Variants in LYZL4 observed in about 807,000 individuals in gnomAD.
The protein encoded by LYZL4 is lysozyme-like protein 4.
LYZL4 carries 13 observed loss-of-function variants against 17.6 expected under a neutral mutation model. The observed-to-expected ratio is 0.74, with a 90% CI of 0.48 to 1.18. LYZL4 has a LOEUF of 1.18. Among genes scored for constraint, LYZL4 ranks in the 50% most tolerant of loss-of-function variants. The pLI is 0.00. For missense variants in LYZL4, 174 were observed against 188.2 expected, an observed-to-expected ratio of 0.92 and a Z score of 0.44; for synonymous variants, 64 against 67.7, an observed-to-expected ratio of 0.95 and a Z score of 0.27.
At chr3:42,381,373 C>A in the LYZL4 span, among the ~76,000 whole-genome samples, 1 of 152,026 alleles carries the variant, frequency 6.6e-6, no homozygotes, top group Non-Finnish European at 1.5e-5. Flanking sequence ...ATCCCCTGCC[C>A]CCCAGGAATG....
intron 4 of LYZL4, among the ~76,000 whole-genome samples, chr3:42,403,269 T>G (rs1698689983): frequency 6.6e-6 from 1 of 151,976 alleles, no homozygotes; most frequent in Non-Finnish European, 1.5e-5. Flanking sequence ...ATCCACCTTT[T>G]TTTTTTTTGA....
At chr3:42,382,335 C>T in the LYZL4 span, among the ~76,000 whole-genome samples, 6 of 152,110 alleles carry the variant, frequency 3.9e-5, no homozygotes, top group African/African-American at 7.2e-5. Flanking sequence ...TGTGTGTGTG[C>T]GTGTAGTCTT....
At chr3:42,367,369 A>G in the LYZL4 span, among the ~76,000 whole-genome samples, 206 of 152,380 alleles carry the variant, frequency 1.4e-3, no homozygotes, top group African/African-American at 4.6e-3. Context: ...TATTAAGTAC[A>G]GGCAGATGAA....
the LYZL4 span, among the ~76,000 whole-genome samples, chr3:42,377,440 T>C: frequency 3.9e-5 from 6 of 152,320 alleles, no homozygotes; most frequent in South Asian, 1.2e-3. Flanking sequence ...GAGTTTATCC[T>C]ATTCTCTCTT....
At chr3:42,369,215 A>G in the LYZL4 span, among the ~76,000 whole-genome samples, 1 of 150,230 alleles carries the variant, frequency 6.7e-6, no homozygotes, top group Non-Finnish European at 1.5e-5. Context: ...TATCAGTTTA[A>G]CTTCCTACTT....
chr3:42,387,257 A>G, the LYZL4 span, among the ~76,000 whole-genome samples: 1 of 152,218 alleles, frequency 6.6e-6, no homozygotes, highest in Non-Finnish European at 1.5e-5. Context: ...ACCATGCCCG[A>G]GGTCAGGAAG....
intron 1 of LYZL4, among the ~76,000 whole-genome samples, chr3:42,408,070 C>T (rs1698792515): frequency 6.6e-6 from 1 of 152,166 alleles, no homozygotes; most frequent in South Asian, 2.1e-4. Flanking sequence ...ACCATCTAAA[C>T]CCACCACCTC....
At position 42,397,152 on chromosome 3, in the gene LYZL4, C is replaced by G. The variant is rs1371057405; in HGVS notation, c.*113G>C. On this transcript the variant is annotated 3_prime_UTR_variant, in exon 5 of 5. Transcript: ENST00000287748. ...GAAGCAAACTTTTGTCTTTTTCCAT[C>G]TGGAACTCTTAAAGTGGTGAGATCA... The G allele has an allele frequency of 7.9e-6, 6 of 764,212 alleles. No homozygotes were observed. The highest frequency in any genetic ancestry group is 6.2e-5 in the South Asian group (3 of 48,570). The allele number at this position is 764,212 out of a possible 1,614,324, so 47.3% of individuals were successfully genotyped here. A position where few individuals can be genotyped will look rare whatever the true frequency, so the allele number is the denominator to read the frequency against.
chr3:42,372,305 G>A, the LYZL4 span, among the ~76,000 whole-genome samples: 10 of 152,340 alleles, frequency 6.6e-5, no homozygotes, highest in African/African-American at 2.4e-4. Context: ...AGGTGCGAGT[G>A]ATCACTGCAC....
intron 4 of LYZL4, among the ~76,000 whole-genome samples, chr3:42,402,136 T>TAAAAAAAAAA (rs61260579): frequency 8.1e-6 from 1 of 124,096 alleles, no homozygotes; most frequent in Non-Finnish European, 1.7e-5. Flanking sequence ...TTGAGAAGGT[T>TAAAAAAAAAA]AAAAAAAAAA....
At chr3:42,378,470 C>T in the LYZL4 span, among the ~76,000 whole-genome samples, 4 of 152,282 alleles carry the variant, frequency 2.6e-5, no homozygotes, top group East Asian at 1.9e-4. Context: ...AGTCTGTAGA[C>T]GATCTCTAAT....
downstream of LYZL4, among the ~76,000 whole-genome samples, chr3:42,392,408 G>C (rs145388060): frequency 7.9e-4 from 121 of 152,276 alleles, no homozygotes; most frequent in Middle Eastern, 3.4e-3. Context: ...GAGTTAAAGA[G>C]AGAGGAGAAA....
Position 42,397,206 on chromosome 3 carries a change from G to T in LYZL4, c.*59C>A. On this transcript the variant is annotated 3_prime_UTR_variant, in exon 5 of 5. Coordinates refer to ENST00000287748, the MANE Select transcript of LYZL4 (RefSeq NM_144634.4). ...AAAGGATTGACTGAAGCAGCAAGCA[G>T]AAAAGCACCTTCATTCACAAGATGC... 1 of 1,208,176 alleles carries T rather than the reference G, an allele frequency of 8.3e-7. No individual in the cohort carries two copies. The highest frequency in any genetic ancestry group is 1.2e-6 in the Non-Finnish European group (1 of 841,240). 74.8% of individuals were successfully genotyped at this position (1,208,176 alleles called of 1,614,324 possible). A position where few individuals can be genotyped will look rare whatever the true frequency, so the allele number is the denominator to read the frequency against.
At chr3:42,376,648 C>CT in the LYZL4 span, among the ~76,000 whole-genome samples, 1 of 152,208 alleles carries the variant, frequency 6.6e-6, no homozygotes, top group East Asian at 1.9e-4. Flanking sequence ...AGTCAGTTTC[C>CT]TCTGGCGGGG....
the LYZL4 span, among the ~76,000 whole-genome samples, chr3:42,387,466 C>T: frequency 1.4e-4 from 21 of 152,120 alleles, no homozygotes; most frequent in South Asian, 6.2e-4. Flanking sequence ...TCTGTGAAGG[C>T]GAAACACAGA....
the LYZL4 span, among the ~76,000 whole-genome samples, chr3:42,373,369 A>G: frequency 6.6e-6 from 1 of 152,142 alleles, no homozygotes; most frequent in African/African-American, 2.4e-5. Context: ...CCTGGGTGCC[A>G]GCCACATTTG....
At chr3:42,395,102 G>A (rs1698533563), downstream of LYZL4, among the ~76,000 whole-genome samples, 1 of 152,134 alleles carries the variant, frequency 6.6e-6, no homozygotes, top group Non-Finnish European at 1.5e-5. Flanking sequence ...AGAGAGGAGG[G>A]AAAGCCACAC....
chr3:42,373,713 T>C, the LYZL4 span, among the ~76,000 whole-genome samples: 34,879 of 151,988 alleles, frequency 0.23, 8,191 homozygotes, highest in African/African-American at 0.6. Context: ...CATCAGAAAG[T>C]GGCTGAATTC....
the LYZL4 span, among the ~76,000 whole-genome samples, chr3:42,386,408 C>T: frequency 3.7e-5 from 5 of 136,492 alleles, 1 homozygote; most frequent in South Asian, 8.4e-4. Flanking sequence ...CCCCCCCCCC[C>T]CCCCGCCTCC....
Sources: gnomAD v4.1 joint callset for allele counts (sites outside exome capture counted in the v4.1 genomes callset) on GRCh38, gnomAD v4.1.1 for gene constraint, MANE v1.5 for transcripts, NCBI Gene and HGNC (gene_info 2026-07-23, HGNC 2026-07-21) for gene names.